PAN2: variants seen among roughly 807,000 people sequenced by gnomAD.
The protein encoded by PAN2 is poly(A) specific ribonuclease subunit PAN2.
Under a neutral mutation model 133.3 loss-of-function variants are expected in PAN2, and 68 were observed. That is an observed-to-expected ratio of 0.51 (90% CI 0.42 to 0.62). The LOEUF (loss-of-function observed/expected upper bound fraction) is 0.62, where lower values mean the gene tolerates loss of function less well. PAN2 is among the 20% of genes least tolerant of loss of function. PAN2 has a pLI of 0.00. For missense variants in PAN2, 1,042 were observed against 1,500.5 expected, an observed-to-expected ratio of 0.69 and a Z score of 5.05; for synonymous variants, 462 against 544.6, an observed-to-expected ratio of 0.85 and a Z score of 2.11.
At chr12:56,320,739 C>G (rs1299773307) in intron 20 of PAN2, among the ~76,000 whole-genome samples, 2 of 148,376 alleles carry the variant, frequency 1.3e-5, no homozygotes, top group East Asian at 2.0e-4. Flanking sequence ...TCAAGACTTA[C>G]AGCTGCTTTT....
At chr12:56,325,514 C>A in intron 8 of PAN2, 60 bp from the exon 9 acceptor site, 1 of 1,591,546 alleles carries the variant, frequency 6.3e-7, no homozygotes, top group South Asian at 1.1e-5. Flanking sequence ...GCTTCACACT[C>A]ATTTATCCCA....
Position 56,324,169 on chromosome 12 carries a change from C to A in PAN2, c.1945G>T (p.Gly649Trp), listed in dbSNP as rs748987879. The A allele has an allele frequency of 2.5e-6, 4 of 1,613,934 alleles. No individual in the cohort carries two copies. Among genetic ancestry groups the A allele is most frequent in the Non-Finnish European group, 2.5e-6 (3 of 1,180,022 alleles). ...GAGGSSFCSS[G>W]DSVIGQLFSC... is the part of the protein sequence containing the mutation. Reference sequence around the variant, plus strand: ...AAGAGCTGCCCAATAACAGAGTCCCCCGATGAGCAAAAGCTGCTAAGAGTG... The same window carrying A: ...AAGAGCTGCCCAATAACAGAGTCCCACGATGAGCAAAAGCTGCTAAGAGTG... The change falls in exon 13 of 26, where the codon GGG becomes TGG. Residue 649 changes from glycine (G) to tryptophan (W), a missense_variant. Physicochemically the swap from Gly to Trp is radical, Grantham distance 184 (BLOSUM62 -2). This residue lies in a region of PAN2 where 908 missense variants were observed against 1,223.5 expected (regional missense o/e 0.74). Transcript: ENST00000440411.
intron 25 of PAN2, 68 bp from the exon 26 acceptor site, chr12:56,317,711 A>G (rs977477739): frequency 2.2e-6 from 3 of 1,367,592 alleles, no homozygotes; most frequent in Non-Finnish European, 3.1e-6. Flanking sequence ...CATACTTCCT[A>G]TGAAGGAAAA....
chr12:56,319,371 A>C lies in PAN2; in HGVS notation c.3207T>G (p.Ile1069Met), dbSNP rs1213117050. Residue 1069 changes from isoleucine to methionine, a missense_variant, in exon 23 of 26, where the codon ATT becomes ATG. Ile to Met is a conservative substitution (Grantham distance 10). Around this residue, in one of 3 missense-constraint regions of PAN2, gnomAD observed 49 missense variants for 160.5 expected, o/e 0.31. Coordinates refer to ENST00000440411, the MANE Select transcript of PAN2 (RefSeq NM_014871.6). This position sits in a 1 kb window ranked among gnomAD's most constrained non-coding sequence, Gnocchi z 5.4. ...GACCCACAAACTTGACTCCAATGTC[A>C]ATGAGAAAACGAAGCTTTAAGTAGG... Reference protein sequence around the residue: ...KSTYLKLRFLIDIGVKFVGHG... With the variant: ...KSTYLKLRFLMDIGVKFVGHG... 6.2e-7 allele frequency: 1 copy of C among 1,614,108 alleles called. No individual in the cohort carries two copies. Among genetic ancestry groups the C allele is most frequent in the Non-Finnish European group, 8.5e-7 (1 of 1,180,048 alleles).
intron 1 of PAN2, 185 bp from the exon 2 acceptor site, chr12:56,333,393 C>G: frequency 2.3e-6 from 1 of 441,520 alleles, no homozygotes; most frequent in Non-Finnish European, 4.2e-6. Flanking sequence ...TTGTCCCTAT[C>G]CCTCCTCCGC....
intron 5 of PAN2, 151 bp downstream of exon 5, chr12:56,327,844 T>C (rs142706464): frequency 7.9e-6 from 11 of 1,397,938 alleles, no homozygotes; most frequent in East Asian, 5.0e-5. Context: ...AATAATCTCA[T>C]AGTAGAACAT....
chr12:56,319,291 A>G lies in PAN2; in HGVS notation c.3270+17T>C, dbSNP rs1874237748. On this transcript the variant is annotated intron_variant, in intron 23 of 25. Transcript: ENST00000440411. The surrounding 1 kb of genome is among the most constrained non-coding windows in gnomAD (Gnocchi z 5.4). ...GCCCACTCTCACAAGAAGACTCTTA[A>G]AAGAGCCCTGCCAAACCATCAGGTT... is the stretch of plus-strand genomic sequence containing the variant. 1 of 1,612,144 alleles carries G rather than the reference A, an allele frequency of 6.2e-7. No individual in the cohort carries two copies. Among genetic ancestry groups the G allele is most frequent in the Non-Finnish European group, 8.5e-7 (1 of 1,179,136 alleles).
intron 2 of PAN2, among the ~76,000 whole-genome samples, chr12:56,329,819 C>G (rs1353012236): frequency 6.6e-6 from 1 of 151,830 alleles, no homozygotes; most frequent in Non-Finnish European, 1.5e-5. Flanking sequence ...TGGCACACAC[C>G]TGTAGTCCCA....
Position 56,327,612 on chromosome 12 carries a change from CGGA to C in PAN2, c.668_670del (p.Leu223del), listed in dbSNP as rs1875263238. ...AAACTCATGTTCCACCTTAAAAGTA[CGGA>C]GGTCTCTCAGGGAAACCTAGAAAAA... On this transcript the variant is annotated inframe_deletion, in exon 6 of 26. Transcript: ENST00000440411. 1 of 1,613,272 alleles carries C rather than the reference CGGA, an allele frequency of 6.2e-7. No homozygotes were observed. The highest frequency in any genetic ancestry group is 1.7e-5 in the Admixed American group (1 of 59,980).
chr12:56,322,894 G>A, intron 17 of PAN2, 136 bp from the exon 18 acceptor site: 1 of 1,250,256 alleles, frequency 8.0e-7, no homozygotes, highest in South Asian at 1.4e-5. Flanking sequence ...GCCCATCTAG[G>A]ACCCCAACAC....
intron 20 of PAN2, 121 bp downstream of exon 20, chr12:56,321,957 G>A: frequency 3.4e-6 from 2 of 587,176 alleles, no homozygotes; most frequent in South Asian, 5.4e-5. Context: ...AATCTCTTTA[G>A]TATCTCCAGA....
chr12:56,331,285 G>A (rs575470244), intron 2 of PAN2, among the ~76,000 whole-genome samples: 2 of 152,194 alleles, frequency 1.3e-5, no homozygotes, highest in Admixed American at 6.5e-5. Flanking sequence ...TGTAGTTCCT[G>A]AATTTTGTAC....
intron 25 of PAN2, among the ~76,000 whole-genome samples, chr12:56,317,957 G>A (rs1592426252): frequency 6.6e-6 from 1 of 152,236 alleles, no homozygotes. Flanking sequence ...TGGGTGGATC[G>A]CTTGAGCCCA....
intron 7 of PAN2, 43 bp downstream of exon 7, chr12:56,326,574 T>C (rs936476933): frequency 5.1e-6 from 8 of 1,562,166 alleles, no homozygotes; most frequent in Non-Finnish European, 7.0e-6. Flanking sequence ...TCTTGGCCCT[T>C]TCCCTGTCCC....
At position 56,323,789 on chromosome 12, in the gene PAN2, G is replaced by C. The variant is rs748253910; in HGVS notation, c.2172+18C>G. 2.5e-6 allele frequency: 4 copies of C among 1,570,620 alleles called. No homozygotes were observed. In the South Asian group the frequency reaches 4.4e-5, roughly 17 times the overall value. On this transcript the variant is annotated intron_variant, in intron 14 of 25. Transcript: ENST00000440411. ...ATGGCAGGACCAGGACTCTAGTCCA[G>C]TCCAACAGTCCACTCACCGTGGGCT...
rs1321795686 is a variant in PAN2, at chr12:56,325,316, C to A, written c.1479+19G>T. On this transcript the variant is annotated intron_variant, in intron 9 of 25. Transcript: ENST00000440411. ...GGTACCTTTCCCCACATCCCACAGG[C>A]CCTGATGTCCCCCAGCACCTTGCGG... is the stretch of plus-strand genomic sequence containing the variant. 6.2e-7 allele frequency: 1 copy of A among 1,613,790 alleles called. No individual in the cohort carries two copies. The highest frequency in any genetic ancestry group is 8.5e-7 in the Non-Finnish European group (1 of 1,179,884).
chr12:56,320,909 A>C (rs1401049273), intron 20 of PAN2, among the ~76,000 whole-genome samples: 4 of 151,092 alleles, frequency 2.6e-5, no homozygotes, highest in Non-Finnish European at 5.9e-5. Flanking sequence ...CTAAAAATAC[A>C]AAAAATTAGC....
chr12:56,326,198 T>C, intron 8 of PAN2, 115 bp downstream of exon 8: 1 of 907,088 alleles, frequency 1.1e-6, no homozygotes, highest in Admixed American at 2.7e-5. Context: ...CATAGTTCCA[T>C]CAATTTGGTT....
Position 56,324,132 on chromosome 12 carries a change from A to G in PAN2, c.1982T>C (p.Met661Thr). The change falls in exon 13 of 26, where the codon ATG becomes ACG. Residue 661 changes from methionine (M) to threonine (T), a missense_variant. This residue lies in a region of PAN2 where 908 missense variants were observed against 1,223.5 expected (regional missense o/e 0.74). Transcript: ENST00000440411. ...SVIGQLFSCE[M>T]ENCSLCRCGS... ...ACAGCGGCAGAGGCTGCAGTTCTCCATCTCACAGCTGAAGAGCTGCCCAAT... is the reference window on the plus strand; with the variant it reads ...ACAGCGGCAGAGGCTGCAGTTCTCCGTCTCACAGCTGAAGAGCTGCCCAAT... 6.2e-7 allele frequency: 1 copy of G among 1,614,136 alleles called. No homozygotes were observed. The highest frequency in any genetic ancestry group is 1.1e-5 in the South Asian group (1 of 91,088).
Sources: gnomAD v4.1 joint callset for allele counts (sites outside exome capture counted in the v4.1 genomes callset) on GRCh38, gnomAD v4.1.1 for gene constraint, gnomAD v4.1.1 regional missense constraint, Gnocchi (gnomAD v3.1) non-coding constraint, MANE v1.5 for transcripts, NCBI Gene and HGNC (gene_info 2026-07-23, HGNC 2026-07-21) for gene names.